ZNF385D: variants seen among roughly 807,000 people sequenced by gnomAD.
The protein encoded by ZNF385D is zinc finger protein 385D, also known as zinc finger protein 659.
Under a neutral mutation model 35.8 loss-of-function variants are expected in ZNF385D, and 15 were observed. The observed-to-expected ratio is 0.42, with a 90% CI of 0.28 to 0.64. ZNF385D has a LOEUF of 0.64. Ranked by LOEUF, ZNF385D falls within the 30% of genes least tolerant of loss-of-function variation. ZNF385D has a pLI of 0.23. For synonymous variants in ZNF385D, 212 were observed against 186.8 expected (o/e 1.13, Z -1.10); for missense variants, 474 against 494.6 (o/e 0.96, Z 0.39).
chr3:22,094,018 C>A (rs1004348176), intron 3 of ZNF385D, among the ~76,000 whole-genome samples: 5 of 151,978 alleles, frequency 3.3e-5, no homozygotes, highest in Non-Finnish European at 7.4e-5. Flanking sequence ...ACCAATTTAA[C>A]GCTTTACAAA....
At chr3:21,705,967 G>A (rs1200598429) in intron 1 of ZNF385D, among the ~76,000 whole-genome samples, 1 of 152,184 alleles carries the variant, frequency 6.6e-6, no homozygotes, top group Non-Finnish European at 1.5e-5. Flanking sequence ...CAGGAAGAAA[G>A]CATGACTCGA....
At chr3:21,881,506 T>C (rs992058647) in intron 3 of ZNF385D, among the ~76,000 whole-genome samples, 1 of 152,012 alleles carries the variant, frequency 6.6e-6, no homozygotes, top group African/African-American at 2.4e-5. Context: ...AGATTCCTTT[T>C]AAAATATTAC....
intron 3 of ZNF385D, among the ~76,000 whole-genome samples, chr3:21,918,155 C>G (rs923731544): frequency 4.6e-5 from 7 of 151,942 alleles, no homozygotes; most frequent in African/African-American, 1.7e-4. Flanking sequence ...AAATTTTAAA[C>G]AGTGGAAAAA....
chr3:21,999,220 T>C (rs758407469), intron 3 of ZNF385D, among the ~76,000 whole-genome samples: 19 of 152,174 alleles, frequency 1.2e-4, no homozygotes, highest in Non-Finnish European at 2.4e-4. Context: ...AAATGTCAAA[T>C]AGCAAGGATA....
At chr3:21,697,362 T>C (rs563439314) in intron 1 of ZNF385D, among the ~76,000 whole-genome samples, 5 of 152,174 alleles carry the variant, frequency 3.3e-5, no homozygotes, top group Admixed American at 1.3e-4. Flanking sequence ...TAGTGGTAAG[T>C]TGAATTCTGT....
intron 3 of ZNF385D, among the ~76,000 whole-genome samples, chr3:21,862,522 C>A (rs1697112170): frequency 6.6e-6 from 1 of 152,106 alleles, no homozygotes; most frequent in Non-Finnish European, 1.5e-5. Flanking sequence ...ATAAGGAAGC[C>A]ATGGCAACTC....
rs190447557 is a variant in ZNF385D at position 22,241,041 on chromosome 3, T to C, written c.107-72006A>G. Among the ~76,000 whole-genome samples, 93 of 151,352 alleles carry C rather than the reference T, an allele frequency of 6.1e-4. 1 individual carries two copies. The highest frequency in any genetic ancestry group is 3.4e-3 in the Admixed American group (51 of 15,210). On this transcript the variant is annotated intron_variant, in intron 2 of 5. Transcript: ENST00000494108. Reference sequence around the variant, plus strand: ...TTATGTGAATGTTCATTCAATTGAGTAAATTTTTGCCTTGTTAATACCCAA... The same window carrying C: ...TTATGTGAATGTTCATTCAATTGAGCAAATTTTTGCCTTGTTAATACCCAA...
intron 2 of ZNF385D, among the ~76,000 whole-genome samples, chr3:22,217,137 C>A (rs1414003195): frequency 6.6e-6 from 1 of 152,016 alleles, no homozygotes; most frequent in Admixed American, 6.6e-5. Context: ...AGGAAGAGAC[C>A]AATTAGAGTA....
In ZNF385D at chr3:22,019,962, GA is replaced by G. The variant is rs527396471; in HGVS notation, c.325+148854del. 3.9e-3 allele frequency among the ~76,000 whole-genome samples: 587 copies of G among 151,538 alleles called. 2 individuals are homozygous for G. Among genetic ancestry groups the G allele is most frequent in the African/African-American group, 0.013 (556 of 41,384 alleles). ...TGTCCCAAATGCTGTGGTAGATAATGAAAAAAACAAGATAACTTCGTGTAAT... is the reference window on the plus strand; with the variant it reads ...TGTCCCAAATGCTGTGGTAGATAATGAAAAAACAAGATAACTTCGTGTAAT... On this transcript the variant is annotated intron_variant, in intron 3 of 5. Coordinates refer to the ZNF385D transcript ENST00000494108.
intron 4 of ZNF385D, among the ~76,000 whole-genome samples, chr3:21,462,707 C>T (rs1575189566): frequency 6.6e-6 from 1 of 152,312 alleles, no homozygotes; most frequent in South Asian, 2.1e-4. Context: ...ATTGGCCAGG[C>T]ACGGTGGCTT....
intron 2 of ZNF385D, among the ~76,000 whole-genome samples, chr3:22,302,370 A>G (rs188370580): frequency 6.6e-6 from 1 of 151,306 alleles, no homozygotes; most frequent in East Asian, 1.9e-4. Flanking sequence ...ATCAATGAAT[A>G]GTAAAATTAT....
intron 2 of ZNF385D, among the ~76,000 whole-genome samples, chr3:22,227,739 G>T (rs1181243502): frequency 6.6e-6 from 1 of 152,044 alleles, no homozygotes; most frequent in Admixed American, 6.6e-5. Flanking sequence ...CCCTTTTCAT[G>T]GCAATGACTC....
At chr3:21,498,945 C>CAAAAAAAAA (rs35511402) in intron 4 of ZNF385D, among the ~76,000 whole-genome samples, 1 of 64,272 alleles carries the variant, frequency 1.6e-5, no homozygotes, top group Non-Finnish European at 2.7e-5. Context: ...GACTCCATCT[C>CAAAAAAAAA]AAAAAAAAAA....
At chr3:22,322,027 C>CTTTTCTGGGGTT (rs1694461031) in intron 2 of ZNF385D, among the ~76,000 whole-genome samples, 1 of 152,028 alleles carries the variant, frequency 6.6e-6, no homozygotes, top group African/African-American at 2.4e-5. Flanking sequence ...TGCCTTTACC[C>CTTTTCTGGGGTT]AATTATAGCT....
At chr3:21,928,102 T>C (rs1052516255) in intron 3 of ZNF385D, among the ~76,000 whole-genome samples, 4 of 152,004 alleles carry the variant, frequency 2.6e-5, no homozygotes, top group Non-Finnish European at 5.9e-5. Context: ...TGTGTGCCTG[T>C]ACTCCCAGCT....
intron 3 of ZNF385D, among the ~76,000 whole-genome samples, chr3:22,083,449 T>A (rs1448654773): frequency 2.0e-5 from 3 of 152,142 alleles, no homozygotes; most frequent in Non-Finnish European, 4.4e-5. Context: ...CAAGCTTCAG[T>A]AGCTGATTCG....
intron 2 of ZNF385D, among the ~76,000 whole-genome samples, chr3:21,610,109 A>G (rs2064622084): frequency 6.6e-6 from 1 of 151,280 alleles, no homozygotes; most frequent in Non-Finnish European, 1.5e-5. Context: ...AGACCCTAAA[A>G]TTATAAGGAC....
chr3:22,047,721 T>C (rs1008132226), intron 3 of ZNF385D, among the ~76,000 whole-genome samples: 14 of 152,170 alleles, frequency 9.2e-5, no homozygotes, highest in Admixed American at 3.3e-4. Flanking sequence ...AGTGCAGTTA[T>C]CTATTTGACA....
chr3:22,166,334 A>G (rs1706328224), intron 3 of ZNF385D, among the ~76,000 whole-genome samples: 1 of 152,242 alleles, frequency 6.6e-6, no homozygotes, highest in Non-Finnish European at 1.5e-5. Context: ...TTTGAGGAAT[A>G]TATTAAAATT....
Sources: gnomAD v4.1 joint callset for allele counts (sites outside exome capture counted in the v4.1 genomes callset) on GRCh38, gnomAD v4.1.1 for gene constraint, MANE v1.5 for transcripts, NCBI Gene and HGNC (gene_info 2026-07-23, HGNC 2026-07-21) for gene names.